Variants in TANC1 observed in about 807,000 individuals in gnomAD.
TANC1 encodes protein TANC1.
A neutral mutation model predicts 149.7 loss-of-function variants in TANC1; 77 were observed. The ratio of observed to expected loss-of-function variants is 0.51; its 90% CI spans 0.43 to 0.62. The LOEUF is 0.62. Among genes scored for constraint, TANC1 ranks in the 20% least tolerant of loss-of-function variants. The pLI is 0.00. For synonymous variants in TANC1, 854 were observed against 925.0 expected (o/e 0.92, Z 1.39); for missense variants, 1,985 against 2,321.8 (o/e 0.85, Z 2.98).
chr2:159,026,751 G>C (rs936151348), intron 2 of TANC1, among the ~76,000 whole-genome samples: 4 of 151,992 alleles, frequency 2.6e-5, no homozygotes, highest in African/African-American at 9.7e-5. Context: ...CCACAGCTGG[G>C]GTGGCTGAGG....
At position 159,174,345 on chromosome 2, in the gene TANC1, A is replaced by T. The variant is rs568486640; in HGVS notation, c.1504-608A>T. On this transcript the variant is annotated intron_variant, in intron 11 of 26. Coordinates refer to ENST00000263635, the MANE Select transcript of TANC1 (RefSeq NM_033394.3). Reference sequence around the variant, plus strand: ...CAACTCCAACTTATCTCTCCACACGATGGGCAGAGATTTGGTGATTTCGGG... The same window carrying T: ...CAACTCCAACTTATCTCTCCACACGTTGGGCAGAGATTTGGTGATTTCGGG... Among the ~76,000 whole-genome samples, 16 of 152,054 alleles carry T rather than the reference A, an allele frequency of 1.1e-4. No homozygotes were observed. In the East Asian group the frequency reaches 3.1e-3, roughly 29 times the overall value.
chr2:158,993,725 TC>T (rs2035888498), intron 1 of TANC1, among the ~76,000 whole-genome samples: 1 of 152,194 alleles, frequency 6.6e-6, no homozygotes, highest in African/African-American at 2.4e-5. Context: ...CTGAATTCTC[TC>T]CCCTGAACTT....
rs377599296 is a variant in TANC1, at chr2:159,048,387, G to A, written c.-15-17509G>A. The stretch of plus-strand genomic sequence containing the variant: ...TCTGGATACCAGCCCTGGCTCTTCC[G>A]TGAACTGTCTATTAGCTGGGTGGCC... On this transcript the variant is annotated intron_variant, in intron 2 of 26. Coordinates refer to ENST00000263635, the MANE Select transcript of TANC1 (RefSeq NM_033394.3). Among the ~76,000 whole-genome samples, 16 of 152,268 alleles carry A rather than the reference G, an allele frequency of 1.1e-4. No individual in the cohort carries two copies. In the South Asian group the frequency reaches 2.5e-3, roughly 24 times the overall value.
chr2:159,169,115 A>G, intron 8 of TANC1, 135 bp from the exon 9 acceptor site: 1 of 584,960 alleles, frequency 1.7e-6, no homozygotes, highest in Non-Finnish European at 2.8e-6. Context: ...TGGGGCAAAC[A>G]ATATCAAAAT....
rs140641184 is a variant in TANC1 at position 158,977,017 on chromosome 2, G to A, written c.-126+8235G>A. 4.5e-4 allele frequency among the ~76,000 whole-genome samples: 68 copies of A among 152,150 alleles called. No individual in the cohort carries two copies. In the East Asian group the frequency reaches 0.012, roughly 27 times the overall value. On this transcript the variant is annotated intron_variant, in intron 1 of 26. Coordinates refer to ENST00000263635, the MANE Select transcript of TANC1 (RefSeq NM_033394.3). The stretch of plus-strand genomic sequence containing the variant: ...ATGTATATACTACATTCATGTGTGT[G>A]TATACATACCATTCATAACTAGTTT...
chr2:159,006,765 A>G (rs1003495358), intron 2 of TANC1, among the ~76,000 whole-genome samples: 1 of 152,228 alleles, frequency 6.6e-6, no homozygotes, highest in African/African-American at 2.4e-5. Flanking sequence ...TAGATGAGAT[A>G]TTGACAGAAA....
At position 158,979,194 on chromosome 2, in the gene TANC1, C is replaced by T. The variant is rs572671896; in HGVS notation, c.-126+10412C>T. Among the ~76,000 whole-genome samples the T allele has an allele frequency of 2.6e-5, 4 of 152,242 alleles. 1 individual carries two copies. The highest frequency in any genetic ancestry group is 9.6e-5 in the African/African-American group (4 of 41,544). ...TTTTTCCAAAGGATCTGTTTATAAG[C>T]ATAGGACCACTTAGCTGAGTGTGGT... On this transcript the variant is annotated intron_variant, in intron 1 of 26. Coordinates refer to ENST00000263635, the MANE Select transcript of TANC1 (RefSeq NM_033394.3).
chr2:159,199,325 CCTAA>C (rs1206333015), intron 19 of TANC1, among the ~76,000 whole-genome samples: 2 of 152,148 alleles, frequency 1.3e-5, no homozygotes, highest in Non-Finnish European at 2.9e-5. Flanking sequence ...GATGGAAGTA[CCTAA>C]CTAAGGTGTT....
intron 2 of TANC1, among the ~76,000 whole-genome samples, chr2:159,011,225 G>A (rs962287546): frequency 6.6e-6 from 1 of 152,110 alleles, no homozygotes; most frequent in Admixed American, 6.5e-5. Context: ...GTCATTGTAA[G>A]GTTTACATGA....
intron 3 of TANC1, among the ~76,000 whole-genome samples, chr2:159,086,402 A>G (rs540813167): frequency 6.6e-6 from 1 of 152,232 alleles, no homozygotes; most frequent in Non-Finnish European, 1.5e-5. Context: ...AATAGGAAAG[A>G]CCATCTGACA....
chr2:159,148,616 C>G (rs1248529610), intron 5 of TANC1: 1 of 152,232 alleles, frequency 6.6e-6, no homozygotes, highest in African/African-American at 2.4e-5. Flanking sequence ...CTGGTTTTGA[C>G]TTTCACTACT....
chr2:159,159,740 GA>G (rs1369477460), intron 7 of TANC1, among the ~76,000 whole-genome samples: 24 of 151,326 alleles, frequency 1.6e-4, no homozygotes, highest in African/African-American at 4.4e-4. Flanking sequence ...GAGAGAGAGA[GA>G]GAGAGAGAGA....
chr2:159,192,753 G>A (rs540608836), intron 16 of TANC1, among the ~76,000 whole-genome samples: 1 of 152,268 alleles, frequency 6.6e-6, no homozygotes, highest in Admixed American at 6.5e-5. Context: ...GCGTTCAAGC[G>A]ATTCTCCTGC....
intron 1 of TANC1, among the ~76,000 whole-genome samples, chr2:158,981,796 C>T (rs991911057): frequency 6.6e-6 from 1 of 151,570 alleles, no homozygotes; most frequent in East Asian, 1.9e-4. Context: ...AATAATACTC[C>T]ATAGACACTT....
rs2046271284 is a variant in TANC1, at chr2:159,097,650, T to C, written c.75T>C (p.Gly25=). The part of the protein sequence containing the change: ...GGKKEAGSDF[G]PETSPVLHLD... ...TCTCTACTCTAGGAAGTGACTTTGG[T>C]CCAGAGACTTCTCCAGTCCTGCACC... Residue 25 remains glycine (G), a synonymous_variant, in exon 4 of 27, where the codon GGT becomes GGC. Coordinates refer to ENST00000263635, the MANE Select transcript of TANC1 (RefSeq NM_033394.3). 6.2e-7 allele frequency: 1 copy of C among 1,613,856 alleles called. No homozygotes were observed. Among genetic ancestry groups the C allele is most frequent in the Non-Finnish European group, 8.5e-7 (1 of 1,179,878 alleles).
chr2:159,034,206 C>T (rs903160350), intron 2 of TANC1, among the ~76,000 whole-genome samples: 2 of 152,144 alleles, frequency 1.3e-5, no homozygotes, highest in African/African-American at 4.8e-5. Flanking sequence ...CTAATCTGTC[C>T]CTCCTCCTGC....
intron 19 of TANC1, among the ~76,000 whole-genome samples, chr2:159,212,670 C>T (rs1205963751): frequency 6.6e-6 from 1 of 152,046 alleles, no homozygotes; most frequent in Admixed American, 6.6e-5. Context: ...GCCTGTAATC[C>T]CAGCACTTTG....
At chr2:158,983,471 A>C (rs1258440745) in intron 1 of TANC1, among the ~76,000 whole-genome samples, 3 of 74,132 alleles carry the variant, frequency 4.0e-5, no homozygotes, top group Non-Finnish European at 9.9e-5. Context: ...CGTCTCCCAA[A>C]AAAAAAAAAA....
At chr2:159,114,567 T>A (rs2048051058) in intron 4 of TANC1, among the ~76,000 whole-genome samples, 1 of 152,174 alleles carries the variant, frequency 6.6e-6, no homozygotes, top group Non-Finnish European at 1.5e-5. Context: ...ATAAACCTGT[T>A]GAGTTCAACA....
Sources: gnomAD v4.1 joint callset for allele counts (sites outside exome capture counted in the v4.1 genomes callset) on GRCh38, gnomAD v4.1.1 for gene constraint, MANE v1.5 for transcripts, NCBI Gene and HGNC (gene_info 2026-07-23, HGNC 2026-07-21) for gene names.